Variants in NHSL2 observed in about 807,000 individuals in gnomAD.
The protein encoded by NHSL2 is NHS like 2.
A neutral mutation model predicts 53.4 loss-of-function variants in NHSL2; 27 were observed. That is an observed-to-expected ratio of 0.51 (90% CI 0.37 to 0.70). The LOEUF (loss-of-function observed/expected upper bound fraction) is 0.70. Among genes scored for constraint, NHSL2 ranks in the 30% least tolerant of loss-of-function variants. The pLI is 0.00. For missense variants in NHSL2, 892 were observed against 980.1 expected (o/e 0.91, Z 1.20); for synonymous variants, 408 against 404.1 (o/e 1.01, Z -0.12).
At chrX:71,943,862 C>G (rs964271944) in intron 1 of NHSL2, among the ~76,000 whole-genome samples, 2 of 112,161 alleles carry the variant, frequency 1.8e-5, no homozygotes, top group Non-Finnish European at 3.8e-5. Flanking sequence ...GTTGCCTGCT[C>G]TGCCATCCGT....
chrX:72,137,320 A>G, intron 5 of NHSL2, 95 bp downstream of exon 5: 2 of 878,339 alleles, frequency 2.3e-6, no homozygotes, highest in Non-Finnish European at 3.1e-6. Context: ...GGGAACAGGA[A>G]TAATTGGGTG....
At chrX:71,955,705 G>A (rs898178706) in intron 1 of NHSL2, among the ~76,000 whole-genome samples, 1 of 110,406 alleles carries the variant, frequency 9.1e-6, no homozygotes. Context: ...TGGGAGCTGT[G>A]AGAGGAGGGA....
chrX:72,130,198 T>A, intron 1 of NHSL2: 1 of 1,210,931 alleles, frequency 8.3e-7, no homozygotes, highest in Non-Finnish European at 1.1e-6. Context: ...CACCTCACCA[T>A]AGGTCTCCTC....
At position 72,139,822 on chromosome X, in the gene NHSL2, G is replaced by A. The variant is rs746016871; in HGVS notation, c.2274G>A (p.Thr758=). ...AGAGGAAGTCATCACTACCCCCGACGTCACCAATGGAGAAATTTCCCAAGT... is the reference window on the plus strand; with the variant it reads ...AGAGGAAGTCATCACTACCCCCGACATCACCAATGGAGAAATTTCCCAAGT... ...VPERKSSLPP[T]SPMEKFPKSR... The change falls in exon 6 of 8, where the codon ACG becomes ACA. Residue 758 remains threonine (T), a synonymous_variant. Coordinates refer to ENST00000633930, the MANE Select transcript of NHSL2 (RefSeq NM_001013627.3). 15 of 1,208,234 alleles carry A rather than the reference G, an allele frequency of 1.2e-5. No homozygotes were observed. Among genetic ancestry groups the A allele is most frequent in the African/African-American group, 1.2e-4 (7 of 56,875 alleles).
intron 1 of NHSL2, among the ~76,000 whole-genome samples, chrX:71,996,968 G>A (rs978412672): frequency 1.8e-5 from 2 of 112,552 alleles, no homozygotes; most frequent in Admixed American, 9.4e-5. Flanking sequence ...GAGAGGCTGG[G>A]ACCAGTGAGC....
intron 1 of NHSL2, among the ~76,000 whole-genome samples, chrX:72,070,181 G>A (rs1366749186): frequency 1.1e-4 from 5 of 46,548 alleles, no homozygotes; most frequent in African/African-American, 2.7e-4. Context: ...CCCCATACCC[G>A]CCCTGAACAT....
intron 7 of NHSL2, among the ~76,000 whole-genome samples, chrX:72,142,686 T>C (rs935580771): frequency 9.0e-6 from 1 of 110,908 alleles, no homozygotes; most frequent in African/African-American, 3.3e-5. Flanking sequence ...CTATTGTGGC[T>C]CCATCTGCTC....
intron 1 of NHSL2, among the ~76,000 whole-genome samples, chrX:72,113,575 C>G (rs1414401373): frequency 8.9e-6 from 1 of 112,145 alleles, no homozygotes; most frequent in Non-Finnish European, 1.9e-5. Flanking sequence ...TATATGGCAC[C>G]TTCACTTAGC....
At chrX:72,069,025 T>TG (rs1468371415) in intron 1 of NHSL2, among the ~76,000 whole-genome samples, 1 of 112,750 alleles carries the variant, frequency 8.9e-6, no homozygotes, top group Non-Finnish European at 1.9e-5. Context: ...CTTACAGAAC[T>TG]GGATCCATCC....
chrX:72,088,562 C>T (rs953240187), intron 1 of NHSL2, among the ~76,000 whole-genome samples: 2 of 111,786 alleles, frequency 1.8e-5, no homozygotes, highest in African/African-American at 6.5e-5. Context: ...CATGGGTCTC[C>T]GTGAAATGGC....
At chrX:72,099,189 C>A (rs1377705690) in intron 1 of NHSL2, among the ~76,000 whole-genome samples, 1 of 111,601 alleles carries the variant, frequency 9.0e-6, no homozygotes, top group Non-Finnish European at 1.9e-5. Context: ...CAAATGCCAG[C>A]CACTTATGGA....
intron 1 of NHSL2, among the ~76,000 whole-genome samples, chrX:71,996,403 G>A (rs2042050457): frequency 8.9e-6 from 1 of 112,533 alleles, no homozygotes; most frequent in African/African-American, 3.2e-5. Flanking sequence ...CCTCACTCTG[G>A]CTTGAAGGCC....
At chrX:72,053,286 C>T (rs763457310) in intron 1 of NHSL2, among the ~76,000 whole-genome samples, 5 of 111,183 alleles carry the variant, frequency 4.5e-5, no homozygotes, top group Middle Eastern at 4.7e-3. Context: ...TGGATTCTTG[C>T]GACAGTCGCC....
At chrX:72,018,972 G>C (rs2042148086) in intron 1 of NHSL2, among the ~76,000 whole-genome samples, 4 of 113,111 alleles carry the variant, frequency 3.5e-5, no homozygotes, top group Admixed American at 1.8e-4. Context: ...TGATGGGGCC[G>C]ACACGGCCCC....
intron 1 of NHSL2, among the ~76,000 whole-genome samples, chrX:71,921,121 A>G (rs111987734): frequency 1.2e-3 from 128 of 109,409 alleles, no homozygotes; most frequent in African/African-American, 3.9e-3. Context: ...TTTTAACATT[A>G]TAAGAGAACA....
chrX:72,128,695 A>T (rs1364258534), intron 1 of NHSL2: 2 of 112,756 alleles, frequency 1.8e-5, no homozygotes, highest in African/African-American at 6.4e-5. Flanking sequence ...CTCTCCTCTC[A>T]GAACTAAGGG....
intron 1 of NHSL2, among the ~76,000 whole-genome samples, chrX:71,936,732 G>GGT (rs1423386045): frequency 2.7e-5 from 3 of 111,480 alleles, no homozygotes; most frequent in Non-Finnish European, 5.7e-5. Flanking sequence ...TGATGATGGT[G>GGT]GTGTGTGTGT....
rs1252795235 is a variant in NHSL2 at position 72,138,499 on chromosome X, C to T, written c.951C>T (p.Pro317=). The change falls in exon 6 of 8, where the codon CCC becomes CCT. Residue 317 remains proline, a synonymous_variant. Coordinates refer to ENST00000633930, the MANE Select transcript of NHSL2 (RefSeq NM_001013627.3). ...VAHSTTSDIR[P]SHSVPEGVHG... is the part of the protein sequence containing the mutation. Reference sequence around the variant, plus strand: ...ACTCTACCACCTCCGACATCAGGCCCAGTCACTCAGTTCCAGAAGGGGTTC... The same window carrying T: ...ACTCTACCACCTCCGACATCAGGCCTAGTCACTCAGTTCCAGAAGGGGTTC... 1 of 1,164,298 alleles carries T rather than the reference C, an allele frequency of 8.6e-7. No homozygotes were observed. The highest frequency in any genetic ancestry group is 1.9e-5 in the South Asian group (1 of 52,397).
At chrX:71,929,356 A>C (rs2041701597) in intron 1 of NHSL2, among the ~76,000 whole-genome samples, 1 of 112,689 alleles carries the variant, frequency 8.9e-6, no homozygotes, top group African/African-American at 3.2e-5. Context: ...AGATACCTTC[A>C]ACAACTGTCA....
Sources: allele counts gnomAD v4.1 joint callset (sites outside exome capture counted in the v4.1 genomes callset), GRCh38; gene constraint gnomAD v4.1.1; transcripts MANE v1.5; gene names NCBI Gene and HGNC (gene_info 2026-07-23, HGNC 2026-07-21).